The following DDX10 variants were observed in gnomAD, a reference collection of about 807,000 sequenced individuals.
The protein encoded by DDX10 is DEAD-box helicase 10.
In DDX10, 74 loss-of-function variants were observed where a neutral mutation model predicts 104.3. The observed-to-expected ratio is 0.71, with a 90% CI of 0.59 to 0.86. DDX10 has a LOEUF of 0.86. Ranked by LOEUF, DDX10 falls within the 40% of genes least tolerant of loss-of-function variation. The pLI is 0.00. For missense variants in DDX10, 952 were observed against 1,040.0 expected, an observed-to-expected ratio of 0.92 and a Z score of 1.16; for synonymous variants, 351 against 353.4, an observed-to-expected ratio of 0.99 and a Z score of 0.08.
chr11:108,740,047 A>G (rs566700852), intron 13 of DDX10, among the ~76,000 whole-genome samples: 146 of 149,110 alleles, frequency 9.8e-4, no homozygotes, highest in African/African-American at 3.3e-3. Flanking sequence ...GGTAAATTGC[A>G]TGTCATGGGG....
chr11:108,841,393 T>A lies in DDX10; in HGVS notation c.2164T>A (p.Leu722Ile), dbSNP rs780581165. 3.1e-6 allele frequency: 5 copies of A among 1,613,872 alleles called. No individual in the cohort carries two copies. Among genetic ancestry groups the A allele is most frequent in the Non-Finnish European group, 3.4e-6 (4 of 1,179,882 alleles). Residue 722 changes from leucine (L) to isoleucine (I), a missense_variant, in exon 15 of 18, where the codon TTA becomes ATA. Transcript: ENST00000322536. ...AGATGATGACACAGGTGGTATCAACTTACATAAAGCAAAGGAAAGACTTCA... is the reference window on the plus strand; with the variant it reads ...AGATGATGACACAGGTGGTATCAACATACATAAAGCAAAGGAAAGACTTCA... ...EEDDDTGGIN[L>I]HKAKERLQEE...
At chr11:108,756,724 CA>C (rs1399218251) in intron 13 of DDX10, among the ~76,000 whole-genome samples, 1 of 152,148 alleles carries the variant, frequency 6.6e-6, no homozygotes, top group African/African-American at 2.4e-5. Flanking sequence ...CTCACTAAAG[CA>C]AATAAGGTAG....
At chr11:108,862,042 A>G (rs1380041920) in intron 16 of DDX10, among the ~76,000 whole-genome samples, 1 of 152,018 alleles carries the variant, frequency 6.6e-6, no homozygotes, top group African/African-American at 2.4e-5. Flanking sequence ...TCTAATCAAC[A>G]AGGTCTCACT....
At chr11:108,827,276 TG>T (rs1433874576) in intron 13 of DDX10, among the ~76,000 whole-genome samples, 5 of 152,180 alleles carry the variant, frequency 3.3e-5, no homozygotes, top group Admixed American at 2.0e-4. Context: ...TTAACTCTCA[TG>T]GGAGTTACAG....
chr11:108,897,290 C>T (rs1284584480), intron 16 of DDX10, among the ~76,000 whole-genome samples: 1 of 152,114 alleles, frequency 6.6e-6, no homozygotes, highest in East Asian at 1.9e-4. Flanking sequence ...AGGGTCTCAG[C>T]TTCCCAGCTG....
chr11:108,788,840 T>C (rs1460507276), intron 13 of DDX10, among the ~76,000 whole-genome samples: 3 of 152,214 alleles, frequency 2.0e-5, no homozygotes, highest in Admixed American at 2.0e-4. Context: ...GTTCTGTTGG[T>C]AGTTAGTGTC....
chr11:108,691,217 T>G (rs1320932521), intron 7 of DDX10, among the ~76,000 whole-genome samples: 1 of 152,236 alleles, frequency 6.6e-6, no homozygotes, highest in Non-Finnish European at 1.5e-5. Context: ...CCAAAAATTA[T>G]TTGGAATAAT....
intron 16 of DDX10, among the ~76,000 whole-genome samples, chr11:108,901,530 C>T: frequency 6.6e-6 from 1 of 152,146 alleles, no homozygotes; most frequent in East Asian, 1.9e-4. Flanking sequence ...TCCTAGAGTA[C>T]AGATTTTTTA....
intron 12 of DDX10, among the ~76,000 whole-genome samples, chr11:108,721,762 G>A (rs1448237398): frequency 3.3e-5 from 5 of 152,150 alleles, no homozygotes; most frequent in Admixed American, 1.3e-4. Flanking sequence ...TTTTACTAAA[G>A]AAACATGTTT....
chr11:108,819,138 CT>C, intron 13 of DDX10, among the ~76,000 whole-genome samples: 1 of 152,254 alleles, frequency 6.6e-6, no homozygotes, highest in Non-Finnish European at 1.5e-5. Context: ...ATCACTGTAA[CT>C]GTCTTAGCTC....
intron 17 of DDX10, chr11:108,921,175 A>G (rs1226425942): frequency 1.3e-5 from 2 of 152,188 alleles, no homozygotes; most frequent in Non-Finnish European, 2.9e-5. Flanking sequence ...TTATACTTTA[A>G]TTTCCATTTT....
At chr11:108,689,285 G>A (rs2094248876) in intron 7 of DDX10, among the ~76,000 whole-genome samples, 1 of 152,116 alleles carries the variant, frequency 6.6e-6, no homozygotes, top group Non-Finnish European at 1.5e-5. Flanking sequence ...TAACAATACT[G>A]GAAATGTAGT....
intron 16 of DDX10, among the ~76,000 whole-genome samples, chr11:108,886,547 T>G (rs1445359371): frequency 6.6e-6 from 1 of 152,188 alleles, no homozygotes; most frequent in African/African-American, 2.4e-5. Context: ...CTAAAAGGCC[T>G]TTTGAATTTT....
At chr11:108,736,827 C>A (rs1336072423) in intron 13 of DDX10, among the ~76,000 whole-genome samples, 1 of 152,156 alleles carries the variant, frequency 6.6e-6, no homozygotes, top group Non-Finnish European at 1.5e-5. Flanking sequence ...TTATAAATTA[C>A]ACTGTTCCAG....
intron 16 of DDX10, among the ~76,000 whole-genome samples, chr11:108,895,672 A>G (rs1409284348): frequency 6.6e-6 from 1 of 152,052 alleles, no homozygotes; most frequent in Non-Finnish European, 1.5e-5. Context: ...GTCACCAAAA[A>G]TATTTGAGGA....
intron 13 of DDX10, among the ~76,000 whole-genome samples, chr11:108,817,206 A>G (rs1862267587): frequency 6.6e-6 from 1 of 152,190 alleles, no homozygotes; most frequent in African/African-American, 2.4e-5. Context: ...TTTCATATTC[A>G]GGGTAAAATC....
intron 16 of DDX10, among the ~76,000 whole-genome samples, chr11:108,909,489 C>T (rs942534147): frequency 2.0e-5 from 3 of 151,522 alleles, no homozygotes; most frequent in Admixed American, 2.0e-4. Context: ...CCTACTCCCG[C>T]CCCTTCCCTT....
chr11:108,799,591 C>T (rs755723811), intron 13 of DDX10, among the ~76,000 whole-genome samples: 14 of 152,202 alleles, frequency 9.2e-5, no homozygotes, highest in Non-Finnish European at 1.5e-4. Context: ...TCATGACCTT[C>T]AATGGTTGCT....
chr11:108,769,707 T>C (rs981982288), intron 13 of DDX10, among the ~76,000 whole-genome samples: 6 of 152,170 alleles, frequency 3.9e-5, no homozygotes, highest in African/African-American at 1.4e-4. Flanking sequence ...TTTGAAAACA[T>C]GTCCCTCCAG....
Sources: gnomAD v4.1 joint callset for allele counts (sites outside exome capture counted in the v4.1 genomes callset) on GRCh38, gnomAD v4.1.1 for gene constraint, MANE v1.5 for transcripts, NCBI Gene and HGNC (gene_info 2026-07-23, HGNC 2026-07-21) for gene names.